DCT: variants seen among roughly 807,000 people sequenced by gnomAD.
DCT encodes the protein dopachrome tautomerase.
Under a neutral mutation model 53.0 loss-of-function variants are expected in DCT, and 47 were observed. That is an observed-to-expected ratio of 0.89 (90% CI 0.70 to 1.13). The LOEUF is 1.13. Among genes scored for constraint, DCT ranks in the 50% most tolerant of loss-of-function variants. The probability of loss-of-function intolerance (pLI) is 0.00; values close to 1 mark genes in which losing one functional copy is unlikely to be tolerated. For synonymous variants in DCT, 244 were observed against 237.0 expected (o/e 1.03, Z -0.27); for missense variants, 669 against 637.4 (o/e 1.05, Z -0.53).
chr13:94,493,392 C>T, the DCT span, among the ~76,000 whole-genome samples: 1 of 152,060 alleles, frequency 6.6e-6, no homozygotes, highest in South Asian at 2.1e-4. Flanking sequence ...AGATGAGTGT[C>T]GGCCAGAGGA....
chr13:94,520,317 A>C, the DCT span, among the ~76,000 whole-genome samples: 1 of 152,324 alleles, frequency 6.6e-6, no homozygotes, highest in Admixed American at 6.5e-5. Flanking sequence ...AATTCATAAA[A>C]TATCAGGAAT....
the DCT span, among the ~76,000 whole-genome samples, chr13:94,530,005 C>G: frequency 0.023 from 3,565 of 152,314 alleles, 155 homozygotes; most frequent in African/African-American, 0.082. Context: ...ATAAACACCT[C>G]TATGCAAATA....
At chr13:94,542,370 T>C in the DCT span, among the ~76,000 whole-genome samples, 1 of 152,160 alleles carries the variant, frequency 6.6e-6, no homozygotes, top group Non-Finnish European at 1.5e-5. Flanking sequence ...TGTATTTTTT[T>C]AGTCGAGTCA....
At chr13:94,504,417 G>A in the DCT span, among the ~76,000 whole-genome samples, 11,314 of 152,096 alleles carry the variant, frequency 0.074, 876 homozygotes, top group African/African-American at 0.2. Flanking sequence ...GCCCAGGCTG[G>A]AGTGCAGTGG....
intron 6 of DCT, among the ~76,000 whole-genome samples, chr13:94,455,506 C>T (rs889785569): frequency 3.3e-4 from 50 of 152,096 alleles, no homozygotes; most frequent in African/African-American, 1.1e-3. Context: ...CCAAATAGAG[C>T]CTACAACCTG....
At chr13:94,453,294 A>T (rs1344791693) in intron 6 of DCT, among the ~76,000 whole-genome samples, 1 of 152,154 alleles carries the variant, frequency 6.6e-6, no homozygotes, top group Non-Finnish European at 1.5e-5. Flanking sequence ...AGGGATGACT[A>T]TAATTGCAAC....
chr13:94,469,048 A>G lies in DCT; in HGVS notation c.296-3T>C, dbSNP rs764486511. Reference sequence around the variant, plus strand: ...ACAATTATAGCCGGCAAAGTTTCCTAGTTCACAAAACAGAAAGATGGAAAG... The same window carrying G: ...ACAATTATAGCCGGCAAAGTTTCCTGGTTCACAAAACAGAAAGATGGAAAG... On this transcript the variant is annotated splice_polypyrimidine_tract_variant and splice_region_variant and intron_variant, in intron 1 of 7. Transcript: ENST00000377028. 9 of 1,610,100 alleles carry G rather than the reference A, an allele frequency of 5.6e-6. No individual in the cohort carries two copies. The highest frequency in any genetic ancestry group is 1.7e-4 in the Middle Eastern group (1 of 6,052).
At chr13:94,506,135 T>A in the DCT span, among the ~76,000 whole-genome samples, 1 of 152,186 alleles carries the variant, frequency 6.6e-6, no homozygotes. Context: ...AGAAATCACG[T>A]ATAGTTTGTT....
the DCT span, among the ~76,000 whole-genome samples, chr13:94,547,265 T>C: frequency 6.6e-6 from 1 of 151,880 alleles, no homozygotes; most frequent in African/African-American, 2.4e-5. Flanking sequence ...TACAGGCTTG[T>C]ACCACCACGC....
the DCT span, among the ~76,000 whole-genome samples, chr13:94,502,307 C>G: frequency 1.3e-5 from 2 of 151,864 alleles, no homozygotes; most frequent in African/African-American, 2.4e-5. Flanking sequence ...CCCCCTCATC[C>G]CATGAATTTT....
chr13:94,548,710 A>G, the DCT span, among the ~76,000 whole-genome samples: 2 of 151,372 alleles, frequency 1.3e-5, no homozygotes, highest in Non-Finnish European at 2.9e-5. Context: ...GTCCACCCAC[A>G]CGTGAAAACA....
intron 3 of DCT, among the ~76,000 whole-genome samples, 167 bp from the exon 4 acceptor site, chr13:94,465,966 T>TTTTA (rs1264660012): frequency 7.4e-5 from 7 of 94,660 alleles, no homozygotes; most frequent in Admixed American, 1.3e-4. Context: ...TGTGTGTATA[T>TTTTA]TTTATATATA....
chr13:94,530,805 G>A, the DCT span, among the ~76,000 whole-genome samples: 3 of 152,118 alleles, frequency 2.0e-5, no homozygotes, highest in East Asian at 3.9e-4. Flanking sequence ...TCAGGCAGAA[G>A]AAAGAAATAA....
intron 1 of DCT, among the ~76,000 whole-genome samples, chr13:94,478,097 G>A (rs560838783): frequency 6.6e-6 from 1 of 152,042 alleles, no homozygotes; most frequent in African/African-American, 2.4e-5. Context: ...TGTGATGTCC[G>A]GTTCAAGTCC....
At chr13:94,483,090 A>G (rs1172644402), upstream of DCT, among the ~76,000 whole-genome samples, 1 of 151,844 alleles carries the variant, frequency 6.6e-6, no homozygotes, top group African/African-American at 2.4e-5. Context: ...CCTGGGCAAC[A>G]TGGTGAAACC....
intron 1 of DCT, among the ~76,000 whole-genome samples, chr13:94,472,525 T>C (rs1383641749): frequency 2.4e-3 from 13 of 5,370 alleles, no homozygotes; most frequent in South Asian, 7.1e-3. Context: ...TACATACATA[T>C]ATATATATAT....
intron 6 of DCT, among the ~76,000 whole-genome samples, chr13:94,450,684 A>G (rs1362166295): frequency 6.6e-6 from 1 of 152,202 alleles, no homozygotes; most frequent in African/African-American, 2.4e-5. Flanking sequence ...GGACTACAGA[A>G]AGACTCTGCT....
chr13:94,541,098 G>A, the DCT span, among the ~76,000 whole-genome samples: 1 of 152,326 alleles, frequency 6.6e-6, no homozygotes, highest in South Asian at 2.1e-4. Context: ...TGATGTTATG[G>A]AGATAGAGAG....
chr13:94,536,479 G>T, the DCT span, among the ~76,000 whole-genome samples: 1 of 152,248 alleles, frequency 6.6e-6, no homozygotes, highest in South Asian at 2.1e-4. Context: ...TGGGTCTTGG[G>T]GTGGATCCCT....
Sources: allele counts gnomAD v4.1 joint callset (sites outside exome capture counted in the v4.1 genomes callset), GRCh38; gene constraint gnomAD v4.1.1; transcripts MANE v1.5; gene names NCBI Gene and HGNC (gene_info 2026-07-23, HGNC 2026-07-21).